The following ALDH4A1 variants were observed in gnomAD, a reference collection of about 807,000 sequenced individuals.
ALDH4A1 encodes aldehyde dehydrogenase 4 family member A1, also known as delta-1-pyrroline-5-carboxylate dehydrogenase, mitochondrial.
Under a neutral mutation model 70.5 loss-of-function variants are expected in ALDH4A1, and 46 were observed. The observed-to-expected ratio is 0.65, with a 90% CI of 0.51 to 0.83. The LOEUF (loss-of-function observed/expected upper bound fraction) is 0.83. Ranked by LOEUF, ALDH4A1 falls within the 40% of genes least tolerant of loss-of-function variation. ALDH4A1 has a pLI of 0.00. For missense variants in ALDH4A1, 749 were observed against 766.5 expected (o/e 0.98, Z 0.27); for synonymous variants, 323 against 324.3 (o/e 1.00, Z 0.04).
chr1:18,872,781 G>A lies in ALDH4A1; in HGVS notation c.*64C>T, dbSNP rs1934493519. 3 of 1,265,096 alleles carry A rather than the reference G, an allele frequency of 2.4e-6. No homozygotes were observed. The highest frequency in any genetic ancestry group is 3.4e-5 in the Admixed American group (2 of 58,468). The allele number at this position is 1,265,096 out of a possible 1,614,324, so 78.4% of individuals were successfully genotyped here. ...GAAGGGGTGGAGGGGCTGGAGTGGG[G>A]TCTGTGCAGTGAGGTCGGCCACCTG... On this transcript the variant is annotated 3_prime_UTR_variant, in exon 15 of 15. Coordinates refer to ENST00000375341, the MANE Select transcript of ALDH4A1 (RefSeq NM_003748.4).
At chr1:18,876,597 G>A (rs1934696086) in intron 11 of ALDH4A1, 130 bp from the exon 12 acceptor site, 1 of 1,054,812 alleles carries the variant, frequency 9.5e-7, no homozygotes, top group African/African-American at 1.6e-5. Context: ...CAGGGGTAGG[G>A]GACGCCAAGG....
chr1:18,886,501 T>C lies in ALDH4A1; in HGVS notation c.260A>G (p.His87Arg), dbSNP rs1935208174. Residue 87 changes from histidine to arginine, a missense_variant, in exon 4 of 15, where the codon CAT (histidine) becomes CGT (arginine). By Grantham distance (29) the His-to-Arg change is conservative. Coordinates refer to ENST00000375341, the MANE Select transcript of ALDH4A1 (RefSeq NM_003748.4). ...DVQYQVSPFN[H>R]GHKVAKFCYA... is the part of the protein sequence containing the mutation. The stretch of plus-strand genomic sequence containing the variant: ...ACAGAACTTGGCCACCTTATGTCCA[T>C]GGTTAAAAGGCTGAAAGGAGAGAAG... 1.9e-6 allele frequency: 3 copies of C among 1,614,008 alleles called. No homozygotes were observed. Among genetic ancestry groups the C allele is most frequent in the South Asian group, 1.1e-5 (1 of 91,074 alleles).
At chr1:18,899,982 G>C (rs1254306998) in intron 1 of ALDH4A1, among the ~76,000 whole-genome samples, 2 of 152,196 alleles carry the variant, frequency 1.3e-5, no homozygotes, top group African/African-American at 4.8e-5. Flanking sequence ...AGTATGGGCA[G>C]ATGAGCTTGT....
rs1934976973 is a variant in ALDH4A1 at position 18,881,760 on chromosome 1, A to G, written c.806T>C (p.Phe269Ser). 1.2e-6 allele frequency: 2 copies of G among 1,614,072 alleles called. No individual in the cohort carries two copies. The highest frequency in any genetic ancestry group is 1.7e-6 in the Non-Finnish European group (2 of 1,180,022). Residue 269 changes from phenylalanine to serine, a missense_variant, in exon 8 of 15, where the codon TTT (phenylalanine) becomes TCT (serine). Phe to Ser is a radical substitution (Grantham distance 155). Transcript: ENST00000375341. ...IQFVPADGPL[F>S]GDTVTSSEHL... ...CTCTGAGCTGGTGACAGTGTCCCCA[A>G]ATAGGGGCCCATCAGCTGGCACAAA...
intron 5 of ALDH4A1, 42 bp downstream of exon 5, chr1:18,885,431 A>ACCCCCCCCCCCCCCCCCCCCCCC: frequency 6.5e-5 from 31 of 478,968 alleles, no homozygotes; most frequent in Middle Eastern, 6.0e-4. Context: ...CCTGACTCCC[A>ACCCCCCCCCCCCCCCCCCCCCCC]CCCCACCCCG....
intron 1 of ALDH4A1, among the ~76,000 whole-genome samples, chr1:18,899,126 G>A (rs1935717975): frequency 6.6e-6 from 1 of 152,208 alleles, no homozygotes; most frequent in African/African-American, 2.4e-5. Flanking sequence ...GACATTCCAG[G>A]CCAAAGGCAC....
chr1:18,873,659 C>T (rs1934542762), intron 14 of ALDH4A1, among the ~76,000 whole-genome samples: 1 of 152,184 alleles, frequency 6.6e-6, no homozygotes, highest in Non-Finnish European at 1.5e-5. Context: ...GTGGCACAGC[C>T]CGAACTCCAG....
intron 14 of ALDH4A1, 117 bp from the exon 15 acceptor site, chr1:18,873,074 C>G: frequency 1.1e-6 from 1 of 888,026 alleles, no homozygotes; most frequent in South Asian, 1.4e-5. Flanking sequence ...AGCGAGCCTG[C>G]TGCCAAGCTT....
At chr1:18,883,100 G>A (rs553769310) in intron 7 of ALDH4A1, 24 bp downstream of exon 7, 1 of 1,613,012 alleles carries the variant, frequency 6.2e-7, no homozygotes, top group East Asian at 2.2e-5. Context: ...AGCTGCCGCT[G>A]TCCCACCTGT....
intron 3 of ALDH4A1, among the ~76,000 whole-genome samples, chr1:18,888,012 A>G (rs1449463052): frequency 6.6e-6 from 1 of 152,174 alleles, no homozygotes; most frequent in Non-Finnish European, 1.5e-5. Flanking sequence ...ATATCGTAAT[A>G]GCTGACACTT....
In ALDH4A1 at chr1:18,880,503, C is replaced by CCTA. The variant is rs1052801670; in HGVS notation, c.867-1133_867-1131dup. 2.0e-5 allele frequency among the ~76,000 whole-genome samples: 3 copies of CCTA among 152,064 alleles called. No homozygotes were observed. Among genetic ancestry groups the CCTA allele is most frequent in the African/African-American group, 4.8e-5 (2 of 41,410 alleles). ...CCCCATCTCTCCCCTGGTTCAAGCC[C>CCTA]CTACCACCCCTCCCTGGAGGTCAAC... On this transcript the variant is annotated intron_variant, in intron 8 of 14. Transcript: ENST00000375341. This position sits in a 1 kb window ranked among gnomAD's most constrained non-coding sequence, Gnocchi z 5.1.
rs570135314 is a variant in ALDH4A1 at position 18,898,865 on chromosome 1, G to T, written c.62+3597C>A. On this transcript the variant is annotated intron_variant, in intron 1 of 14. Coordinates refer to ENST00000375341, the MANE Select transcript of ALDH4A1 (RefSeq NM_003748.4). This position sits in a 1 kb window ranked among gnomAD's most constrained non-coding sequence, Gnocchi z 4.3. ...CACTGCCAAGCACTGCCTCAATGGC[G>T]CTTTCACTACTTTAGAAGTGTGATG... Among the ~76,000 whole-genome samples the T allele has an allele frequency of 2.4e-4, 37 of 152,338 alleles. No homozygotes were observed. Among genetic ancestry groups the T allele is most frequent in the Middle Eastern group, 3.4e-3 (1 of 294 alleles).
intron 8 of ALDH4A1, among the ~76,000 whole-genome samples, chr1:18,881,195 A>G (rs972038829): frequency 6.6e-6 from 1 of 152,046 alleles, no homozygotes; most frequent in Non-Finnish European, 1.5e-5. Flanking sequence ...CCAGCCACAC[A>G]GGATCCTGCC....
At chr1:18,875,831 A>G (rs1934658098) in intron 12 of ALDH4A1, among the ~76,000 whole-genome samples, 1 of 152,194 alleles carries the variant, frequency 6.6e-6, no homozygotes, top group Non-Finnish European at 1.5e-5. Context: ...TTGCCCAGAG[A>G]TACCATTCCC....
chr1:18,877,456 C>T lies in ALDH4A1; in HGVS notation c.1097G>A (p.Gly366Glu). Residue 366 changes from glycine to glutamate, a missense_variant, in exon 10 of 15, where the codon GGG becomes GAG. Transcript: ENST00000375341. ...CCGACTGTGCTCCTCCAGCAGCCGC[C>T]CTTTGATCTGCGGCCACAGCGAGTG... The part of the protein sequence containing the change: ...VPHSLWPQIK[G>E]RLLEEHSRIK... The T allele has an allele frequency of 1.9e-6, 3 of 1,594,032 alleles. No homozygotes were observed. The highest frequency in any genetic ancestry group is 1.1e-5 in the South Asian group (1 of 88,202).
At chr1:18,876,576 T>A in intron 11 of ALDH4A1, 109 bp from the exon 12 acceptor site, 1 of 1,289,634 alleles carries the variant, frequency 7.8e-7, no homozygotes, top group Non-Finnish European at 1.1e-6. Flanking sequence ...GCCCAACTCC[T>A]GAAACAGGGG....
intron 1 of ALDH4A1, among the ~76,000 whole-genome samples, chr1:18,901,959 G>T (rs929099905): frequency 8.6e-5 from 13 of 151,684 alleles, no homozygotes; most frequent in African/African-American, 3.1e-4. Context: ...GGGCGGCGGG[G>T]TGTGTGGGGA....
At position 18,889,454 on chromosome 1, in the gene ALDH4A1, C is replaced by A. The variant is rs1935348433; in HGVS notation, c.157G>T (p.Ala53Ser). Residue 53 changes from alanine to serine, a missense_variant and splice_region_variant, in exon 3 of 15, where the codon GCC becomes TCC. Transcript: ENST00000375341. ...ATCCGGCCCTTCAGGTCCTTCAAGG[C>A]CTGGGGAGAGGGACAAGAGTGGGTA... ...GSPERDALQKALKDLKGRMEA... is the reference protein window; with the variant it reads ...GSPERDALQKSLKDLKGRMEA... The A allele has an allele frequency of 2.6e-6, 4 of 1,551,582 alleles. No individual in the cohort carries two copies. Among genetic ancestry groups the A allele is most frequent in the East Asian group, 2.4e-5 (1 of 40,918 alleles).
chr1:18,880,815 C>T lies in ALDH4A1; in HGVS notation c.866+885G>A, dbSNP rs1312964847. Among the ~76,000 whole-genome samples the T allele has an allele frequency of 2.6e-5, 4 of 152,180 alleles. No individual in the cohort carries two copies. The highest frequency in any genetic ancestry group is 9.7e-5 in the African/African-American group (4 of 41,446). Reference sequence around the variant, plus strand: ...TGTTAGGAGTCAAAGAAAGTAGAGCCTCTTGCCAGATCCAATTTGGGGGCC... The same window carrying T: ...TGTTAGGAGTCAAAGAAAGTAGAGCTTCTTGCCAGATCCAATTTGGGGGCC... On this transcript the variant is annotated intron_variant, in intron 8 of 14. Transcript: ENST00000375341. This position sits in a 1 kb window ranked among gnomAD's most constrained non-coding sequence, Gnocchi z 5.1.
Sources: gnomAD v4.1 joint callset for allele counts (sites outside exome capture counted in the v4.1 genomes callset) on GRCh38, gnomAD v4.1.1 for gene constraint, Gnocchi (gnomAD v3.1) non-coding constraint, MANE v1.5 for transcripts, NCBI Gene and HGNC (gene_info 2026-07-23, HGNC 2026-07-21) for gene names.